SERHL2: variants seen among roughly 807,000 people sequenced by gnomAD.
SERHL2 encodes the protein serine hydrolase-like protein 2.
A neutral mutation model predicts 25.5 loss-of-function variants in SERHL2; 29 were observed. The ratio of observed to expected loss-of-function variants is 1.14; its 90% confidence interval spans 0.85 to 1.55. The LOEUF (loss-of-function observed/expected upper bound fraction) is 1.55, where lower values mean the gene tolerates loss of function less well. SERHL2 is among the 40% of genes most tolerant of loss of function. The pLI, the probability that SERHL2 is intolerant of heterozygous loss-of-function variation, is 0.00. For missense variants in SERHL2, 240 were observed against 252.3 expected (o/e 0.95, Z 0.33); for synonymous variants, 95 against 103.5 (o/e 0.92, Z 0.50).
intron 8 of SERHL2, 90 bp downstream of exon 8, chr22:42,560,355 T>A: frequency 1.0e-6 from 1 of 955,558 alleles, no homozygotes; most frequent in Non-Finnish European, 1.7e-6. Flanking sequence ...GGCAGGATAC[T>A]AAGCGCTTTG....
chr22:42,566,377 C>T lies in SERHL2; in HGVS notation c.648+39C>T, dbSNP rs762927670. The T allele has an allele frequency of 1.9e-6, 3 of 1,603,914 alleles. No homozygotes were observed. In the South Asian group the frequency reaches 3.3e-5, roughly 18 times the overall value. ...CCTCCGGGTCCCCCGCCAAGGTTTG[C>T]CTGTTAGCGTCTTTGTCGTTTTTGA... On this transcript the variant is annotated intron_variant, in intron 9 of 11. Coordinates refer to ENST00000327678, the MANE Select transcript of SERHL2 (RefSeq NM_014509.5).
chr22:42,560,973 C>T (rs1922610939), intron 8 of SERHL2, among the ~76,000 whole-genome samples: 3 of 151,856 alleles, frequency 2.0e-5, no homozygotes, highest in South Asian at 4.1e-4. Flanking sequence ...CCGACTGTCC[C>T]TCTCTCAGTG....
At chr22:42,567,200 T>G (rs1923504852) in intron 9 of SERHL2, among the ~76,000 whole-genome samples, 2 of 152,128 alleles carry the variant, frequency 1.3e-5, no homozygotes, top group East Asian at 3.9e-4. Flanking sequence ...GGGAGACCGC[T>G]GAGAGCTGCT....
rs1357097381 is a variant in SERHL2 at position 42,561,983 on chromosome 22, A to G, written c.613+1718A>G. ...AGGCCCAGGTCACAGGAAACAGTGA[A>G]TGCAGGATGCTGACCAGGCACCCCT... On this transcript the variant is annotated intron_variant, in intron 8 of 11. Coordinates refer to ENST00000327678, the MANE Select transcript of SERHL2 (RefSeq NM_014509.5). Among the ~76,000 whole-genome samples, 3 of 151,710 alleles carry G rather than the reference A, an allele frequency of 2.0e-5. 1 individual carries two copies. Among genetic ancestry groups the G allele is most frequent in the African/African-American group, 2.4e-5 (1 of 41,338 alleles).
At position 42,571,168 on chromosome 22, in the gene SERHL2, C is replaced by T. The variant is rs1329345974; in HGVS notation, c.696C>T (p.Ser232=). Reference sequence around the variant, plus strand: ...TCAGCAGGGAGCTGTGTGCGCATTCCATCAGGAAGCTGCAGGCCCATGTCC... The same window carrying T: ...TCAGCAGGGAGCTGTGTGCGCATTCTATCAGGAAGCTGCAGGCCCATGTCC... ...DFISRELCAH[S]IRKLQAHVLL... Residue 232 remains serine, a synonymous_variant, in exon 10 of 12, where the codon TCC becomes TCT. Transcript: ENST00000327678. 9 of 1,613,350 alleles carry T rather than the reference C, an allele frequency of 5.6e-6. No homozygotes were observed. The highest frequency in any genetic ancestry group is 2.7e-5 in the African/African-American group (2 of 74,890).
At chr22:42,559,731 AAAG>A (rs1922432959) in intron 7 of SERHL2, among the ~76,000 whole-genome samples, 4 of 151,866 alleles carry the variant, frequency 2.6e-5, no homozygotes, top group South Asian at 2.1e-4. Context: ...AAAGAAAAAA[AAAG>A]AAAAAAAAAT....
intron 11 of SERHL2, 25 bp from the exon 12 acceptor site, chr22:42,573,911 A>G (rs757274294): frequency 1.9e-6 from 3 of 1,593,840 alleles, no homozygotes; most frequent in South Asian, 2.2e-5. Flanking sequence ...GCCACACCTC[A>G]CCACCCACCC....
intron 11 of SERHL2, chr22:42,572,861 G>C (rs1013288953): frequency 2.2e-5 from 8 of 359,574 alleles, no homozygotes; most frequent in East Asian, 3.3e-4. Flanking sequence ...TAAGAGATGG[G>C]GTTTCACCAT....
intron 8 of SERHL2, among the ~76,000 whole-genome samples, chr22:42,565,902 G>A (rs1923312751): frequency 6.6e-6 from 1 of 151,886 alleles, no homozygotes; most frequent in South Asian, 2.1e-4. Context: ...CGCCTAGGCT[G>A]GAGTGCAGTG....
chr22:42,568,848 C>G (rs1923765446), intron 9 of SERHL2, among the ~76,000 whole-genome samples: 1 of 151,742 alleles, frequency 6.6e-6, no homozygotes, highest in African/African-American at 2.4e-5. Context: ...CACCTGTAGT[C>G]CCAGCTACTC....
intron 8 of SERHL2, among the ~76,000 whole-genome samples, chr22:42,564,789 C>T (rs1923122701): frequency 6.6e-6 from 1 of 151,802 alleles, no homozygotes; most frequent in African/African-American, 2.4e-5. Context: ...CAGAGTTTTT[C>T]TACTAGTCTT....
intron 1 of SERHL2, 69 bp from the exon 2 acceptor site, chr22:42,554,868 AG>A (rs1316340411): frequency 1.0e-5 from 16 of 1,548,488 alleles, no homozygotes; most frequent in Non-Finnish European, 1.4e-5. Flanking sequence ...GGCAGAGATA[AG>A]GGGCTCAGGG....
chr22:42,568,081 A>G (rs569926820), intron 9 of SERHL2, among the ~76,000 whole-genome samples: 2 of 151,878 alleles, frequency 1.3e-5, no homozygotes, highest in Non-Finnish European at 2.9e-5. Flanking sequence ...CTGGAGTGCC[A>G]TGGCTCAATT....
chr22:42,561,367 C>A (rs1174572156), intron 8 of SERHL2, among the ~76,000 whole-genome samples: 1 of 151,586 alleles, frequency 6.6e-6, no homozygotes, highest in Non-Finnish European at 1.5e-5. Flanking sequence ...CTTGTTTGCT[C>A]AGGTGACAAA....
intron 9 of SERHL2, among the ~76,000 whole-genome samples, chr22:42,570,391 C>T (rs972930798): frequency 3.9e-5 from 6 of 152,016 alleles, no homozygotes; most frequent in African/African-American, 1.4e-4. Flanking sequence ...GCATTCCAGC[C>T]CGGGCACCAA....
At chr22:42,554,208 T>G (rs1319557725) in intron 1 of SERHL2, 166 bp downstream of exon 1, 2 of 858,130 alleles carry the variant, frequency 2.3e-6, no homozygotes, top group Non-Finnish European at 1.8e-6. Context: ...CGGCCAGGAG[T>G]TGGGGGACCC....
At chr22:42,568,191 A>G (rs113075115) in intron 9 of SERHL2, among the ~76,000 whole-genome samples, 4,491 of 105,906 alleles carry the variant, frequency 0.042, 129 homozygotes, top group Middle Eastern at 0.069. Flanking sequence ...ACCCAGCTAA[A>G]TTTTTTACTT....
chr22:42,563,697 T>C (rs1472613059), intron 8 of SERHL2, among the ~76,000 whole-genome samples: 1 of 151,994 alleles, frequency 6.6e-6, no homozygotes, highest in Non-Finnish European at 1.5e-5. Context: ...TTTTTTATTA[T>C]ACTCTTTTTA....
intron 8 of SERHL2, 70 bp downstream of exon 8, chr22:42,560,335 C>T: frequency 8.3e-7 from 1 of 1,199,132 alleles, no homozygotes; most frequent in Non-Finnish European, 1.2e-6. Flanking sequence ...CAAGGACTTG[C>T]CTTAGACCAG....
Sources: gnomAD v4.1 joint callset for allele counts (sites outside exome capture counted in the v4.1 genomes callset) on GRCh38, gnomAD v4.1.1 for gene constraint, MANE v1.5 for transcripts, NCBI Gene and HGNC (gene_info 2026-07-23, HGNC 2026-07-21) for gene names.